THSD7A: variants seen among roughly 807,000 people sequenced by gnomAD.
The protein encoded by THSD7A is thrombospondin type 1 domain containing 7A.
Under a neutral mutation model 231.3 loss-of-function variants are expected in THSD7A, and 96 were observed. That is an observed-to-expected ratio of 0.41 (90% confidence interval 0.35 to 0.49). The LOEUF is 0.49. Ranked by LOEUF, THSD7A falls within the 20% of genes least tolerant of loss-of-function variation. The pLI is 0.05. For missense variants in THSD7A, 2,290 were observed against 2,070.2 expected, an observed-to-expected ratio of 1.11 and a Z score of -2.06; for synonymous variants, 940 against 743.3, an observed-to-expected ratio of 1.26 and a Z score of -4.30.
chr7:11,700,697 A>G (rs1780564647), intron 1 of THSD7A, among the ~76,000 whole-genome samples: 1 of 151,218 alleles, frequency 6.6e-6, no homozygotes, highest in Non-Finnish European at 1.5e-5. Flanking sequence ...ATTTGTTTTG[A>G]TCTTAATTAA....
intron 1 of THSD7A, among the ~76,000 whole-genome samples, chr7:11,754,295 G>A (rs904067943): frequency 4.6e-5 from 7 of 151,970 alleles, no homozygotes; most frequent in Admixed American, 2.0e-4. Flanking sequence ...GTGAGAACTC[G>A]AGGTAAGAGG....
intron 1 of THSD7A, among the ~76,000 whole-genome samples, chr7:11,769,122 A>AGCTATAT (rs1491347103): frequency 2.8e-5 from 1 of 35,886 alleles, no homozygotes; most frequent in African/African-American, 1.0e-4. Context: ...AATTCCTGGC[A>AGCTATAT]ATATATATAT....
intron 1 of THSD7A, among the ~76,000 whole-genome samples, chr7:11,715,392 A>G (rs1781102237): frequency 6.6e-6 from 1 of 151,486 alleles, no homozygotes; most frequent in African/African-American, 2.4e-5. Context: ...TATGCAGGAA[A>G]AAAATGAAGA....
chr7:11,536,343 G>T (rs1029468), intron 6 of THSD7A, among the ~76,000 whole-genome samples: 34,255 of 151,946 alleles, frequency 0.23, 3,912 homozygotes, highest in Middle Eastern at 0.35. Flanking sequence ...GGCCAGTTTG[G>T]ATCCCATGTG....
chr7:11,724,434 G>T (rs560136232), intron 1 of THSD7A, among the ~76,000 whole-genome samples: 1 of 151,978 alleles, frequency 6.6e-6, no homozygotes, highest in East Asian at 2.0e-4. Context: ...ACAGCAGAGA[G>T]CTCTGTACTG....
chr7:11,683,159 T>A (rs1041801156), intron 1 of THSD7A, among the ~76,000 whole-genome samples: 1 of 151,452 alleles, frequency 6.6e-6, no homozygotes, highest in Non-Finnish European at 1.5e-5. Flanking sequence ...CCAAGCATAT[T>A]CTTGGAAGAC....
intron 13 of THSD7A, among the ~76,000 whole-genome samples, chr7:11,434,540 A>C (rs1439510647): frequency 6.6e-6 from 1 of 152,146 alleles, no homozygotes; most frequent in Non-Finnish European, 1.5e-5. Context: ...TGGATCAAAG[A>C]ATTCATTTTG....
intron 11 of THSD7A, among the ~76,000 whole-genome samples, chr7:11,455,295 T>C (rs1785271300): frequency 6.6e-6 from 1 of 152,076 alleles, no homozygotes; most frequent in Admixed American, 6.6e-5. Context: ...ATCTATAGTG[T>C]TTTGTTATAG....
At chr7:11,422,944 C>G (rs1281591722) in intron 16 of THSD7A, among the ~76,000 whole-genome samples, 2 of 152,032 alleles carry the variant, frequency 1.3e-5, no homozygotes, top group Non-Finnish European at 2.9e-5. Context: ...AACCACTGTG[C>G]CCGGCCTATA....
At chr7:11,686,700 AG>A (rs1273928450) in intron 1 of THSD7A, among the ~76,000 whole-genome samples, 1 of 151,966 alleles carries the variant, frequency 6.6e-6, no homozygotes, top group African/African-American at 2.4e-5. Context: ...ATGCAGCTGG[AG>A]GCCATAATCC....
intron 1 of THSD7A, among the ~76,000 whole-genome samples, chr7:11,683,120 CAAA>C (rs71027424): frequency 5.0e-5 from 5 of 99,610 alleles, no homozygotes; most frequent in Non-Finnish European, 2.1e-5. Context: ...GACTCCATCT[CAAA>C]AAAAAAAAAA....
chr7:11,790,949 C>T (rs944608991), intron 1 of THSD7A, among the ~76,000 whole-genome samples: 1 of 151,788 alleles, frequency 6.6e-6, no homozygotes, highest in Non-Finnish European at 1.5e-5. Flanking sequence ...GAACAAAATC[C>T]GTTATAGAGA....
chr7:11,407,232 G>C, intron 20 of THSD7A, 74 bp downstream of exon 20: 3 of 1,443,880 alleles, frequency 2.1e-6, no homozygotes, highest in Non-Finnish European at 9.5e-7. Context: ...ATTTGATATG[G>C]GTTAAAGCAA....
At chr7:11,808,875 T>C (rs1057256711) in intron 1 of THSD7A, among the ~76,000 whole-genome samples, 3 of 151,988 alleles carry the variant, frequency 2.0e-5, no homozygotes, top group African/African-American at 7.3e-5. Flanking sequence ...AATTTCATAA[T>C]AAAAAAGGTA....
At chr7:11,487,681 C>A (rs1243322474) in intron 6 of THSD7A, among the ~76,000 whole-genome samples, 3 of 152,024 alleles carry the variant, frequency 2.0e-5, no homozygotes, top group African/African-American at 7.2e-5. Context: ...AAAGGCATGC[C>A]TTACATGGTG....
chr7:11,504,842 A>C (rs79343443), intron 6 of THSD7A, among the ~76,000 whole-genome samples: 1 of 151,188 alleles, frequency 6.6e-6, no homozygotes, highest in Non-Finnish European at 1.5e-5. Context: ...CTTTTTTTTT[A>C]TTGCATTTAT....
chr7:11,633,160 T>G (rs1322975611), intron 2 of THSD7A, among the ~76,000 whole-genome samples: 2 of 152,160 alleles, frequency 1.3e-5, no homozygotes, highest in Admixed American at 6.5e-5. Context: ...TCTTTCTGTT[T>G]TGGATTCAGA....
At chr7:11,777,225 C>T (rs115760051) in intron 1 of THSD7A, among the ~76,000 whole-genome samples, 1,898 of 152,066 alleles carry the variant, frequency 0.012, 33 homozygotes, top group African/African-American at 0.043. Context: ...ACATTTGGTG[C>T]CATTTGACAA....
chr7:11,700,733 C>T (rs964819093), intron 1 of THSD7A, among the ~76,000 whole-genome samples: 5 of 151,040 alleles, frequency 3.3e-5, no homozygotes, highest in Non-Finnish European at 5.9e-5. Flanking sequence ...TTGTTGAGTT[C>T]GGGAATTTAT....
Sources: allele counts gnomAD v4.1 joint callset (sites outside exome capture counted in the v4.1 genomes callset), GRCh38; gene constraint gnomAD v4.1.1; transcripts MANE v1.5; gene names NCBI Gene and HGNC (gene_info 2026-07-23, HGNC 2026-07-21).